PDGFRL: variants seen among roughly 807,000 people sequenced by gnomAD.
The protein encoded by PDGFRL is platelet derived growth factor receptor like, also known as platelet-derived growth factor receptor-like protein.
PDGFRL carries 46 observed loss-of-function variants against 37.2 expected under a neutral mutation model. The ratio of observed to expected loss-of-function variants is 1.24; its 90% CI spans 0.98 to 1.58. The LOEUF (loss-of-function observed/expected upper bound fraction) is 1.58. PDGFRL is among the 40% of genes most tolerant of loss of function. PDGFRL has a pLI of 0.00. For synonymous variants in PDGFRL, 251 were observed against 184.3 expected, an observed-to-expected ratio of 1.36 and a Z score of -2.93; for missense variants, 692 against 467.6, an observed-to-expected ratio of 1.48 and a Z score of -4.43.
At chr8:17,582,909 C>G (rs141956581) in intron 1 of PDGFRL, among the ~76,000 whole-genome samples, 620 of 152,180 alleles carry the variant, frequency 4.1e-3, no homozygotes, top group Middle Eastern at 0.014. Flanking sequence ...GCTCTTCTGC[C>G]GTGCACCACC....
chr8:17,598,382 C>T (rs1476619245), intron 2 of PDGFRL, among the ~76,000 whole-genome samples: 1 of 152,054 alleles, frequency 6.6e-6, no homozygotes, highest in African/African-American at 2.4e-5. Flanking sequence ...AAGAATAAAC[C>T]CCTTGAGGGC....
chr8:17,642,244 AAAAG>A (rs1346313475), intron 5 of PDGFRL, among the ~76,000 whole-genome samples: 1 of 152,196 alleles, frequency 6.6e-6, no homozygotes, highest in Non-Finnish European at 1.5e-5. Flanking sequence ...CTTAGCTAGG[AAAAG>A]AAAGTGGGCA....
At chr8:17,592,915 T>TACACAC (rs1563508720) in intron 2 of PDGFRL, among the ~76,000 whole-genome samples, 7 of 3,168 alleles carry the variant, frequency 2.2e-3, no homozygotes, top group African/African-American at 2.6e-3. Context: ...CCCACATACA[T>TACACAC]GCACACACAC....
intron 4 of PDGFRL, 38 bp downstream of exon 4, chr8:17,628,818 C>T (rs1205562367): frequency 2.7e-6 from 4 of 1,478,336 alleles, no homozygotes; most frequent in Non-Finnish European, 3.8e-6. Flanking sequence ...CTAGTTAGTC[C>T]CCTGGTCAGT....
At chr8:17,611,612 G>C (rs900451568) in intron 2 of PDGFRL, among the ~76,000 whole-genome samples, 1 of 152,186 alleles carries the variant, frequency 6.6e-6, no homozygotes, top group East Asian at 1.9e-4. Flanking sequence ...TCTGGGTTTG[G>C]TGAGGAGCTA....
chr8:17,579,250 A>T (rs1803655302), intron 1 of PDGFRL, among the ~76,000 whole-genome samples: 2 of 152,190 alleles, frequency 1.3e-5, no homozygotes, highest in African/African-American at 4.8e-5. Flanking sequence ...TGGACTATTT[A>T]TGGATACAAT....
chr8:17,638,026 A>AT (rs1420444669), intron 5 of PDGFRL, among the ~76,000 whole-genome samples: 36 of 151,590 alleles, frequency 2.4e-4, no homozygotes, highest in African/African-American at 8.7e-4. Context: ...TATCTTTTGT[A>AT]TTTTTTTGGT....
intron 2 of PDGFRL, among the ~76,000 whole-genome samples, chr8:17,593,596 C>CA (rs533160744): frequency 0.02 from 2,436 of 124,916 alleles, 39 homozygotes; most frequent in Middle Eastern, 0.089. Flanking sequence ...GAGACTGTTT[C>CA]AAAAAAAAAA....
At chr8:17,626,466 C>T (rs899512125) in intron 3 of PDGFRL, among the ~76,000 whole-genome samples, 1 of 152,198 alleles carries the variant, frequency 6.6e-6, no homozygotes, top group African/African-American at 2.4e-5. Context: ...TTGGTACTTA[C>T]AGCCCAAGAA....
chr8:17,616,475 G>A (rs761242851), intron 2 of PDGFRL, among the ~76,000 whole-genome samples: 2 of 152,174 alleles, frequency 1.3e-5, no homozygotes, highest in Non-Finnish European at 2.9e-5. Context: ...TTACAGGCAT[G>A]AACCACTTGC....
chr8:17,629,473 C>T (rs1040664521), intron 4 of PDGFRL, among the ~76,000 whole-genome samples: 1 of 152,128 alleles, frequency 6.6e-6, no homozygotes, highest in Non-Finnish European at 1.5e-5. Flanking sequence ...ATCATTCATT[C>T]CCACGTCAAG....
At chr8:17,622,121 C>T (rs1176663902) in intron 3 of PDGFRL, among the ~76,000 whole-genome samples, 2 of 152,204 alleles carry the variant, frequency 1.3e-5, no homozygotes, top group Non-Finnish European at 2.9e-5. Context: ...CTCTGCAGTG[C>T]AAAGTATGTT....
At chr8:17,634,871 G>A (rs917507052) in intron 5 of PDGFRL, among the ~76,000 whole-genome samples, 1 of 152,114 alleles carries the variant, frequency 6.6e-6, no homozygotes, top group Non-Finnish European at 1.5e-5. Flanking sequence ...TGGGTACTAG[G>A]CTGAATATTA....
chr8:17,628,675 G>A lies in PDGFRL; in HGVS notation c.694G>A (p.Val232Met), dbSNP rs1245500504. The part of the protein sequence containing the change: ...DIVYDMKRGF[V>M]YLQPHSEHQG... ...TGTTTATGACATGAAGCGGGGCTTTGTGTATCTGCAACCTCATTCCGAGCA... is the reference window on the plus strand; with the variant it reads ...TGTTTATGACATGAAGCGGGGCTTTATGTATCTGCAACCTCATTCCGAGCA... The change falls in exon 4 of 6, where the codon GTG (valine) becomes ATG (methionine). Residue 232 changes from valine to methionine, a missense_variant. By Grantham distance (21) the Val-to-Met change is conservative. Transcript: ENST00000251630. The A allele has an allele frequency of 6.2e-7, 1 of 1,613,874 alleles. No homozygotes were observed. Among genetic ancestry groups the A allele is most frequent in the Non-Finnish European group, 8.5e-7 (1 of 1,179,854 alleles).
chr8:17,641,358 T>G (rs566463925), intron 5 of PDGFRL, among the ~76,000 whole-genome samples: 2 of 152,354 alleles, frequency 1.3e-5, no homozygotes, highest in East Asian at 3.9e-4. Flanking sequence ...AGTTTCCTTC[T>G]CCCTGTGGTC....
At chr8:17,628,820 CT>C (rs748792342) in intron 4 of PDGFRL, 40 bp downstream of exon 4, 32 of 1,466,510 alleles carry the variant, frequency 2.2e-5, no homozygotes, top group Non-Finnish European at 3.0e-5. Context: ...AGTTAGTCCC[CT>C]GGTCAGTTTC....
chr8:17,587,233 T>C (rs3898544), intron 1 of PDGFRL, among the ~76,000 whole-genome samples: 37,379 of 152,108 alleles, frequency 0.25, 4,946 homozygotes, highest in South Asian at 0.36. Flanking sequence ...GGTCAAAAGG[T>C]CAAATTATTT....
chr8:17,577,998 T>C (rs1332859592), intron 1 of PDGFRL, among the ~76,000 whole-genome samples: 1 of 151,962 alleles, frequency 6.6e-6, no homozygotes, highest in African/African-American at 2.4e-5. Flanking sequence ...GTACCTGTCC[T>C]GGGTCCACCC....
chr8:17,634,498 C>T (rs571801818), intron 5 of PDGFRL, among the ~76,000 whole-genome samples: 48 of 151,014 alleles, frequency 3.2e-4, no homozygotes, highest in African/African-American at 9.5e-4. Flanking sequence ...TTTTTTTAAA[C>T]CCTTAAGTAA....
Sources: gnomAD v4.1 joint callset for allele counts (sites outside exome capture counted in the v4.1 genomes callset) on GRCh38, gnomAD v4.1.1 for gene constraint, MANE v1.5 for transcripts, NCBI Gene and HGNC (gene_info 2026-07-23, HGNC 2026-07-21) for gene names.